Variants in FOXP1 observed in about 807,000 individuals in gnomAD.
FOXP1 encodes the protein forkhead box protein P1.
FOXP1 carries 15 observed loss-of-function variants against 98.2 expected under a neutral mutation model. The observed-to-expected ratio is 0.15, with a 90% CI of 0.10 to 0.24. FOXP1 has a LOEUF of 0.24. Among genes scored for constraint, FOXP1 ranks in the 10% least tolerant of loss-of-function variants. The probability of loss-of-function intolerance (pLI) is 1.00; values close to 1 mark genes in which losing one functional copy is unlikely to be tolerated. For synonymous variants in FOXP1, 371 were observed against 314.5 expected, an observed-to-expected ratio of 1.18 and a Z score of -1.90; for missense variants, 633 against 848.5, an observed-to-expected ratio of 0.75 and a Z score of 3.15.
chr3:70,981,346 A>T (rs1261304855), intron 14 of FOXP1, among the ~76,000 whole-genome samples: 1 of 152,132 alleles, frequency 6.6e-6, no homozygotes, highest in Non-Finnish European at 1.5e-5. Context: ...GAGAGCAGAG[A>T]GGGGGCTTAC....
intron 11 of FOXP1, among the ~76,000 whole-genome samples, chr3:71,033,517 G>A (rs1289041159): frequency 6.8e-6 from 1 of 147,580 alleles, no homozygotes; most frequent in African/African-American, 2.5e-5. Flanking sequence ...TATGGTAAAA[G>A]GCACTTTATT....
chr3:71,313,940 G>C (rs369848920), intron 4 of FOXP1, among the ~76,000 whole-genome samples: 8 of 152,280 alleles, frequency 5.3e-5, no homozygotes, highest in African/African-American at 1.9e-4. Flanking sequence ...TACAAGCATG[G>C]ATTCAAGTGC....
At chr3:71,077,026 G>A (rs1352809548) in intron 7 of FOXP1, among the ~76,000 whole-genome samples, 2 of 152,224 alleles carry the variant, frequency 1.3e-5, no homozygotes, top group African/African-American at 4.8e-5. Flanking sequence ...GGGCTCATGG[G>A]TTAGATATTT....
chr3:70,967,639 CTTTTTGTTTT>C (rs1391804531), intron 19 of FOXP1, among the ~76,000 whole-genome samples: 1 of 81,514 alleles, frequency 1.2e-5, no homozygotes, highest in Admixed American at 1.1e-4. Context: ...TTCTTTCTTT[CTTTTTGTTTT>C]TTTTTTGGCA....
chr3:71,346,810 C>T (rs1309919349), intron 4 of FOXP1, among the ~76,000 whole-genome samples: 1 of 152,072 alleles, frequency 6.6e-6, no homozygotes, highest in African/African-American at 2.4e-5. Context: ...ATTAATGAGG[C>T]CGAGGCGGGT....
At chr3:71,286,545 A>T (rs915569531) in intron 5 of FOXP1, among the ~76,000 whole-genome samples, 1 of 152,184 alleles carries the variant, frequency 6.6e-6, no homozygotes, top group Non-Finnish European at 1.5e-5. Flanking sequence ...TATTAATGGC[A>T]TGTGCTGGGA....
chr3:71,539,699 T>C (rs2044635396), intron 2 of FOXP1, among the ~76,000 whole-genome samples: 1 of 152,216 alleles, frequency 6.6e-6, no homozygotes, highest in Admixed American at 6.5e-5. Context: ...CTTCTTTTAT[T>C]ATATCTATTC....
chr3:71,241,334 C>T (rs867646998), intron 5 of FOXP1, among the ~76,000 whole-genome samples: 4 of 152,002 alleles, frequency 2.6e-5, no homozygotes, highest in African/African-American at 4.8e-5. Context: ...AACTACAGAA[C>T]GGTGGGGGAA....
At chr3:71,300,876 C>T (rs12163647) in intron 4 of FOXP1, among the ~76,000 whole-genome samples, 39,784 of 152,076 alleles carry the variant, frequency 0.26, 5,569 homozygotes, top group Non-Finnish European at 0.3. Context: ...TATCCCTGCT[C>T]ATCCCTCTGC....
At chr3:71,054,175 G>A (rs2050299956) in intron 7 of FOXP1, among the ~76,000 whole-genome samples, 1 of 152,168 alleles carries the variant, frequency 6.6e-6, no homozygotes, top group African/African-American at 2.4e-5. Flanking sequence ...TTTGCAGGTG[G>A]AGCCCATATG....
intron 3 of FOXP1, among the ~76,000 whole-genome samples, chr3:71,448,728 C>G (rs1377787507): frequency 1.3e-5 from 2 of 152,196 alleles, no homozygotes; most frequent in African/African-American, 2.4e-5. Context: ...TAATTCCTGT[C>G]GGCTGCTTTA....
intron 2 of FOXP1, among the ~76,000 whole-genome samples, chr3:71,501,954 T>C (rs2041405340): frequency 6.6e-6 from 1 of 152,188 alleles, no homozygotes; most frequent in African/African-American, 2.4e-5. Context: ...GTCTGGGATT[T>C]GCAGGTTATA....
intron 11 of FOXP1, among the ~76,000 whole-genome samples, chr3:71,039,904 T>C (rs2048109291): frequency 6.6e-6 from 1 of 152,196 alleles, no homozygotes; most frequent in South Asian, 2.1e-4. Context: ...CACCATTCTA[T>C]TCCTCTATCT....
intron 4 of FOXP1, among the ~76,000 whole-genome samples, chr3:71,330,980 C>T (rs967280649): frequency 1.3e-5 from 2 of 152,242 alleles, no homozygotes; most frequent in East Asian, 1.9e-4. Context: ...TGGCAGCCCT[C>T]GCAGCCCTCG....
intron 3 of FOXP1, among the ~76,000 whole-genome samples, chr3:71,465,573 T>TG (rs1042954658): frequency 6.6e-6 from 1 of 152,150 alleles, no homozygotes; most frequent in African/African-American, 2.4e-5. Context: ...TCACTGAAGA[T>TG]GGCACTGAAA....
intron 6 of FOXP1, among the ~76,000 whole-genome samples, chr3:71,167,623 A>G (rs1349223162): frequency 1.3e-5 from 2 of 152,200 alleles, no homozygotes; most frequent in African/African-American, 4.8e-5. Context: ...CAATATTTTA[A>G]GTGGATCCCA....
chr3:71,163,860 CT>C (rs1353196911), intron 6 of FOXP1, among the ~76,000 whole-genome samples: 1 of 132,648 alleles, frequency 7.5e-6, no homozygotes, highest in Non-Finnish European at 1.6e-5. Context: ...CACTTGCCCC[CT>C]TTTAATCAGT....
chr3:71,425,367 C>T (rs1049820491), intron 3 of FOXP1, among the ~76,000 whole-genome samples: 11 of 152,284 alleles, frequency 7.2e-5, no homozygotes, highest in South Asian at 4.1e-4. Flanking sequence ...CTCAAGTGAT[C>T]CACCCGCCTT....
intron 20 of FOXP1, among the ~76,000 whole-genome samples, chr3:70,962,679 T>C (rs1462239749): frequency 1.3e-5 from 2 of 152,198 alleles, no homozygotes; most frequent in Non-Finnish European, 2.9e-5. Context: ...GTTTTCCAAA[T>C]CAACATTTTC....
Sources: gnomAD v4.1 joint callset for allele counts (sites outside exome capture counted in the v4.1 genomes callset) on GRCh38, gnomAD v4.1.1 for gene constraint, MANE v1.5 for transcripts, NCBI Gene and HGNC (gene_info 2026-07-23, HGNC 2026-07-21) for gene names.